The following MFAP2 variants were observed in gnomAD, a reference collection of about 807,000 sequenced individuals.
MFAP2 encodes microfibrillar-associated protein 2.
A neutral mutation model predicts 30.6 loss-of-function variants in MFAP2; 23 were observed. The ratio of observed to expected loss-of-function variants is 0.75; its 90% CI spans 0.54 to 1.07. MFAP2 has a LOEUF of 1.07. Ranked by LOEUF, MFAP2 falls within the 50% of genes least tolerant of loss-of-function variation. The pLI, the probability that MFAP2 is intolerant of heterozygous loss-of-function variation, is 0.00. For missense variants in MFAP2, 198 were observed against 223.8 expected (o/e 0.88, Z 0.74); for synonymous variants, 73 against 85.7 (o/e 0.85, Z 0.82).
At position 16,977,145 on chromosome 1, in the gene MFAP2, C is replaced by T. The variant is rs1309776980; in HGVS notation, c.91G>A (p.Asp31Asn). 3 of 1,613,804 alleles carry T rather than the reference C, an allele frequency of 1.9e-6. No individual in the cohort carries two copies. The highest frequency in any genetic ancestry group is 3.3e-5 in the Admixed American group (2 of 60,016). The change falls in exon 3 of 9, where the codon GAC (aspartate) becomes AAC (asparagine). Residue 31 changes from aspartate to asparagine, a missense_variant. Coordinates refer to ENST00000375535, the MANE Select transcript of MFAP2 (RefSeq NM_002403.4). ...YDLDPLPPFP[D>N]HVQYTHYSDQ... The stretch of plus-strand genomic sequence containing the variant: ...CTATAGTGGGTGTACTGGACGTGGT[C>T]AGGGAACGGCGGCAGCGGGTCCAGG...
intron 1 of MFAP2, 110 bp from the exon 2 acceptor site, chr1:16,978,424 C>T: frequency 1.1e-6 from 1 of 898,060 alleles, no homozygotes; most frequent in Non-Finnish European, 1.7e-6. Flanking sequence ...AGAATAGAAG[C>T]CAGGCATGGG....
rs756106741 is a variant in MFAP2 at position 16,976,522 on chromosome 1, G to C, written c.265C>G (p.Pro89Ala). ...TTACCAAGAGGCCCAGGCTCTGTGG[G>C]CTCCAGCTCTGCATTTCCTGGTTCT... ...TPEPGNAELE[P>A]TEPGPLDCRE... Residue 89 changes from proline to alanine, a missense_variant, in exon 6 of 9, where the codon CCC (proline) becomes GCC (alanine). By Grantham distance (27) the Pro-to-Ala change is conservative. Coordinates refer to ENST00000375535, the MANE Select transcript of MFAP2 (RefSeq NM_002403.4). This position sits in a 1 kb window ranked among gnomAD's most constrained non-coding sequence, Gnocchi z 5.5. 1 of 1,614,250 alleles carries C rather than the reference G, an allele frequency of 6.2e-7. No individual in the cohort carries two copies. The highest frequency in any genetic ancestry group is 1.1e-5 in the South Asian group (1 of 91,090).
In MFAP2 at chr1:16,975,117, G is replaced by C; in HGVS notation, c.449-94C>G. On this transcript the variant is annotated intron_variant, in intron 8 of 8. Coordinates refer to ENST00000375535, the MANE Select transcript of MFAP2 (RefSeq NM_002403.4). This position sits in a 1 kb window ranked among gnomAD's most constrained non-coding sequence, Gnocchi z 5.0. ...ACTCTGGTGATGGGAGTGTTTTGAG[G>C]ATGAAAAGTAGCAAGGAGGGGAGCT... is the stretch of plus-strand genomic sequence containing the variant. The C allele has an allele frequency of 7.4e-7, 1 of 1,348,130 alleles. No individual in the cohort carries two copies. The highest frequency in any genetic ancestry group is 1.0e-6 in the Non-Finnish European group (1 of 961,202). 83.5% of individuals were successfully genotyped at this position (1,348,130 alleles called of 1,614,324 possible).
chr1:16,975,731 C>A lies in MFAP2; in HGVS notation c.287-1G>T, dbSNP rs1312955254. On this transcript the variant is annotated splice_acceptor_variant, in intron 6 of 8. Transcript: ENST00000375535. LOFTEE classifies it high-confidence loss of function. The surrounding 1 kb of genome is among the most constrained non-coding windows in gnomAD (Gnocchi z 5.0). ...CACGGGTACTGTTCCTCACGGCAGT[C>A]TGGTGACAGGTGGGGTCAGACTAGG... 6.2e-7 allele frequency: 1 copy of A among 1,612,846 alleles called. No individual in the cohort carries two copies. Among genetic ancestry groups the A allele is most frequent in the Non-Finnish European group, 8.5e-7 (1 of 1,179,508 alleles).
At position 16,974,672 on chromosome 1, in the gene MFAP2, A is replaced by G; in HGVS notation, c.*248T>C. 1 of 76,184 alleles carries G rather than the reference A, an allele frequency of 1.3e-5. No individual in the cohort carries two copies. Among genetic ancestry groups the G allele is most frequent in the Admixed American group, 2.1e-4 (1 of 4,656 alleles). 4.7% of individuals were successfully genotyped at this position (76,184 alleles called of 1,614,324 possible). A position where few individuals can be genotyped will look rare whatever the true frequency, so the allele number is the denominator to read the frequency against. On this transcript the variant is annotated 3_prime_UTR_variant, in exon 9 of 9. Coordinates refer to ENST00000375535, the MANE Select transcript of MFAP2 (RefSeq NM_002403.4). ...CCCGTCAGGGGCCCAGGTCCCACAG[A>G]GAGGCCTGGGATACTCCCCCAACCC...
chr1:16,976,069 C>A lies in MFAP2; in HGVS notation c.287-339G>T, dbSNP rs552525077. ...ATAGGAGCGCTCACACCAACCCACA[C>A]GAGAGTGAGCACACGGATTCTCCTG... is the stretch of plus-strand genomic sequence containing the variant. On this transcript the variant is annotated intron_variant, in intron 6 of 8. Coordinates refer to ENST00000375535, the MANE Select transcript of MFAP2 (RefSeq NM_002403.4). This position sits in a 1 kb window ranked among gnomAD's most constrained non-coding sequence, Gnocchi z 5.5. The A allele has an allele frequency of 2.4e-5, 11 of 461,300 alleles. No homozygotes were observed. The highest frequency in any genetic ancestry group is 7.8e-5 in the African/African-American group (4 of 51,030). 28.6% of individuals were successfully genotyped at this position (461,300 alleles called of 1,614,324 possible).
In MFAP2 at chr1:16,976,301, A is replaced by T. The variant is rs1243231267; in HGVS notation, c.286+200T>A. 4.6e-6 allele frequency: 3 copies of T among 655,826 alleles called. No homozygotes were observed. The East Asian group carries it at 8.1e-5, about 18-fold the overall frequency. The allele number at this position is 655,826 out of a possible 1,614,324, so 40.6% of individuals were successfully genotyped here. A position where few individuals can be genotyped will look rare whatever the true frequency, so the allele number is the denominator to read the frequency against. On this transcript the variant is annotated intron_variant, in intron 6 of 8. Transcript: ENST00000375535. The surrounding 1 kb of genome is among the most constrained non-coding windows in gnomAD (Gnocchi z 5.5). ...TAGGCTGCCAATTTAGCCTCCAGCC[A>T]GGCACACTGGGGACAGGTGGGACCT...
intron 1 of MFAP2, chr1:16,978,839 C>G (rs553153017): frequency 6.5e-6 from 1 of 152,958 alleles, no homozygotes; most frequent in Admixed American, 6.5e-5. Flanking sequence ...GCATCCTGCT[C>G]AGCAGGAAAC....
rs553570852 is a variant in MFAP2, at chr1:16,979,923, G to A, written c.-42+664C>T. ...ACATCTCCGAGCTCTTCTAGACGAA[G>A]GGGTTTTGGGGCGTGCGGGAGGCCA... On this transcript the variant is annotated intron_variant, in intron 1 of 8. Transcript: ENST00000375535. 9.1e-4 allele frequency among the ~76,000 whole-genome samples: 138 copies of A among 152,294 alleles called. 1 individual carries two copies. The highest frequency in any genetic ancestry group is 3.2e-3 in the African/African-American group (133 of 41,566).
rs757961136 is a variant in MFAP2, at chr1:16,976,494, C to G, written c.286+7G>C. 5 of 1,614,166 alleles carry G rather than the reference C, an allele frequency of 3.1e-6. No homozygotes were observed. In the South Asian group the frequency reaches 5.5e-5, roughly 18 times the overall value. On this transcript the variant is annotated splice_region_variant and intron_variant, in intron 6 of 8. Coordinates refer to ENST00000375535, the MANE Select transcript of MFAP2 (RefSeq NM_002403.4). The surrounding 1 kb of genome is among the most constrained non-coding windows in gnomAD (Gnocchi z 5.5). ...TCCATTTTTCCAGCTGTCAAGAAAGCCCTTACCAAGAGGCCCAGGCTCTGT... is the reference window on the plus strand; with the variant it reads ...TCCATTTTTCCAGCTGTCAAGAAAGGCCTTACCAAGAGGCCCAGGCTCTGT...
intron 2 of MFAP2, chr1:16,977,986 C>G (rs1462500917): frequency 4.3e-6 from 2 of 461,382 alleles, no homozygotes; most frequent in Non-Finnish European, 8.1e-6. Flanking sequence ...GTCCTTGTGC[C>G]TGGGACGTGC....
chr1:16,980,921 G>A (rs1009906524), upstream of MFAP2: 1 of 152,572 alleles, frequency 6.6e-6, no homozygotes, highest in Admixed American at 6.5e-5. Context: ...TTTCACAGAG[G>A]AGGAAATCAA....
At chr1:16,977,908 C>T (rs1276557134) in intron 2 of MFAP2, 6 of 311,870 alleles carry the variant, frequency 1.9e-5, no homozygotes, top group Non-Finnish European at 3.7e-5. Flanking sequence ...CATCCGGACT[C>T]CCTGCCTTGG....
Position 16,976,594 on chromosome 1 carries a change from A to G in MFAP2, c.242-49T>C. 6.2e-7 allele frequency: 1 copy of G among 1,613,498 alleles called. No homozygotes were observed. Among genetic ancestry groups the G allele is most frequent in the Non-Finnish European group, 8.5e-7 (1 of 1,179,448 alleles). On this transcript the variant is annotated intron_variant, in intron 5 of 8. Coordinates refer to ENST00000375535, the MANE Select transcript of MFAP2 (RefSeq NM_002403.4). This position sits in a 1 kb window ranked among gnomAD's most constrained non-coding sequence, Gnocchi z 5.5. Reference sequence around the variant, plus strand: ...AGACATCACTGGGAGGGGTCTCCTCAGGGCAAGGGGAGTCACCTCTCCCAG... The same window carrying G: ...AGACATCACTGGGAGGGGTCTCCTCGGGGCAAGGGGAGTCACCTCTCCCAG...
At position 16,975,875 on chromosome 1, in the gene MFAP2, C is replaced by G; in HGVS notation, c.287-145G>C. The G allele has an allele frequency of 4.7e-6, 3 of 644,098 alleles. No homozygotes were observed. The highest frequency in any genetic ancestry group is 3.8e-5 in the South Asian group (2 of 52,658). 39.9% of individuals were successfully genotyped at this position (644,098 alleles called of 1,614,324 possible). A position where few individuals can be genotyped will look rare whatever the true frequency, so the allele number is the denominator to read the frequency against. Reference sequence around the variant, plus strand: ...CCATACCTACACATGCCCACATAGACCCACGCAGCATTGTCAGACTTCCCA... The same window carrying G: ...CCATACCTACACATGCCCACATAGAGCCACGCAGCATTGTCAGACTTCCCA... On this transcript the variant is annotated intron_variant, in intron 6 of 8. Transcript: ENST00000375535. This position sits in a 1 kb window ranked among gnomAD's most constrained non-coding sequence, Gnocchi z 5.0.
At position 16,974,746 on chromosome 1, in the gene MFAP2, C is replaced by T. The variant is rs1405560089; in HGVS notation, c.*174G>A. The T allele has an allele frequency of 6.5e-6, 2 of 309,202 alleles. No individual in the cohort carries two copies. The highest frequency in any genetic ancestry group is 1.1e-5 in the Non-Finnish European group (2 of 184,932). 19.2% of individuals were successfully genotyped at this position (309,202 alleles called of 1,614,324 possible). On this transcript the variant is annotated 3_prime_UTR_variant, in exon 9 of 9. Transcript: ENST00000375535. ...AGCCCCCATTGTGCCCCAGAGGTGG[C>T]CACAGGCTGAAGGAGGGGCCTGAGG...
chr1:16,978,430 A>T lies in MFAP2; in HGVS notation c.-41-116T>A, dbSNP rs2076611322. The T allele has an allele frequency of 4.7e-6, 4 of 844,486 alleles. No homozygotes were observed. The South Asian group carries it at 5.2e-5, about 11-fold the overall frequency. 52.3% of individuals were successfully genotyped at this position (844,486 alleles called of 1,614,324 possible). ...GTGGCACCCAGAATAGAAGCCAGGC[A>T]TGGGAGGGCTGGAGTGGAGGGACAT... On this transcript the variant is annotated intron_variant, in intron 1 of 8. Coordinates refer to ENST00000375535, the MANE Select transcript of MFAP2 (RefSeq NM_002403.4).
chr1:16,981,537 C>T (rs1299955590), upstream of MFAP2, among the ~76,000 whole-genome samples: 4 of 152,304 alleles, frequency 2.6e-5, no homozygotes, highest in East Asian at 1.9e-4. Context: ...TTTGTGACTC[C>T]GTTCACTGCT....
chr1:16,980,264 C>A (rs2076626651), intron 1 of MFAP2, among the ~76,000 whole-genome samples: 1 of 75,490 alleles, frequency 1.3e-5, no homozygotes, highest in African/African-American at 4.8e-5. Context: ...CCATTCCCAC[C>A]GGACCCCCCC....
Sources: gnomAD v4.1 joint callset for allele counts (sites outside exome capture counted in the v4.1 genomes callset) on GRCh38, gnomAD v4.1.1 for gene constraint, Gnocchi (gnomAD v3.1) non-coding constraint, MANE v1.5 for transcripts, NCBI Gene and HGNC (gene_info 2026-07-23, HGNC 2026-07-21) for gene names.